DPF3: variants seen among roughly 807,000 people sequenced by gnomAD.
The protein encoded by DPF3 is double PHD fingers 3.
Under a neutral mutation model 56.8 loss-of-function variants are expected in DPF3, and 18 were observed. The observed-to-expected ratio is 0.32, with a 90% CI of 0.22 to 0.47. The LOEUF is 0.47. Ranked by LOEUF, DPF3 falls within the 20% of genes least tolerant of loss-of-function variation. The pLI, the probability that DPF3 is intolerant of heterozygous loss-of-function variation, is 1.00. For missense variants in DPF3, 403 were observed against 488.8 expected, an observed-to-expected ratio of 0.82 and a Z score of 1.65; for synonymous variants, 188 against 180.2, an observed-to-expected ratio of 1.04 and a Z score of -0.35.
chr14:72,698,101 G>A (rs1887987802), intron 6 of DPF3, among the ~76,000 whole-genome samples: 1 of 152,216 alleles, frequency 6.6e-6, no homozygotes, highest in Admixed American at 6.5e-5. Flanking sequence ...CCCCAGGGAA[G>A]TCTTTCAAAT....
At position 72,643,272 on chromosome 14, in the gene DPF3, T is replaced by G. The variant is rs577772968; in HGVS notation, c.872-13536A>C. 7.2e-4 allele frequency among the ~76,000 whole-genome samples: 110 copies of G among 152,298 alleles called. 3 individuals carry two copies. In the East Asian group the frequency reaches 0.02, roughly 27 times the overall value. ...GCATGATGAAATATGTCACTGACTC[T>G]CTCCATGCCTCAGTTTCCTCCATTT... is the stretch of plus-strand genomic sequence containing the variant. On this transcript the variant is annotated intron_variant, in intron 8 of 10. Transcript: ENST00000556509.
At chr14:72,628,339 G>GT (rs1202334957) in intron 9 of DPF3, among the ~76,000 whole-genome samples, 1 of 151,664 alleles carries the variant, frequency 6.6e-6, no homozygotes, top group Non-Finnish European at 1.5e-5. Flanking sequence ...TAACCACACT[G>GT]TTTTTTTAAA....
chr14:72,802,131 T>G (rs1892916832), intron 1 of DPF3, among the ~76,000 whole-genome samples: 1 of 151,822 alleles, frequency 6.6e-6, no homozygotes, highest in Non-Finnish European at 1.5e-5. Flanking sequence ...CAGGGACAGC[T>G]GGGTGTGCAG....
intron 8 of DPF3, among the ~76,000 whole-genome samples, chr14:72,631,243 G>T (rs367931094): frequency 6.6e-6 from 1 of 152,178 alleles, no homozygotes; most frequent in Non-Finnish European, 1.5e-5. Context: ...GGACTTCTCA[G>T]GTACCATCCA....
intron 9 of DPF3, 130 bp from the exon 10 acceptor site, chr14:72,620,114 G>C (rs1884335074): frequency 2.3e-6 from 2 of 883,570 alleles, no homozygotes; most frequent in Non-Finnish European, 3.3e-6. Flanking sequence ...GCCCCACTTG[G>C]AGTCCTCACT....
chr14:72,705,947 A>AAG (rs1555498606), intron 6 of DPF3, among the ~76,000 whole-genome samples: 3 of 151,542 alleles, frequency 2.0e-5, no homozygotes, highest in African/African-American at 7.3e-5. Flanking sequence ...GAGAAAAAAA[A>AAG]AGAGAGAGAG....
intron 3 of DPF3, among the ~76,000 whole-genome samples, chr14:72,735,715 C>T (rs1889863315): frequency 6.6e-6 from 1 of 152,166 alleles, no homozygotes; most frequent in South Asian, 2.1e-4. Context: ...GGAGTCAATC[C>T]CTAGCCTTGC....
chr14:72,648,374 C>A (rs1885786369), intron 8 of DPF3, among the ~76,000 whole-genome samples: 1 of 152,072 alleles, frequency 6.6e-6, no homozygotes, highest in Admixed American at 6.5e-5. Flanking sequence ...CCAGCTTGGC[C>A]AACATGGTGA....
chr14:72,863,921 G>A (rs978410750), intron 1 of DPF3, among the ~76,000 whole-genome samples: 6 of 152,238 alleles, frequency 3.9e-5, no homozygotes, highest in Non-Finnish European at 8.8e-5. Context: ...AGAGACCTGG[G>A]GGTCGGGGAA....
chr14:72,827,526 T>C (rs1674621646), intron 1 of DPF3, among the ~76,000 whole-genome samples: 1 of 125,394 alleles, frequency 8.0e-6, no homozygotes, highest in Admixed American at 1.0e-4. Flanking sequence ...TGAGACAGAG[T>C]CTCACTCTGC....
intron 1 of DPF3, among the ~76,000 whole-genome samples, chr14:72,863,555 T>TA (rs76280301): frequency 0.27 from 28,127 of 104,148 alleles, 3,524 homozygotes; most frequent in African/African-American, 0.37. Context: ...TGTAGGATTC[T>TA]AAAAAAAAAA....
At chr14:72,801,609 C>G (rs1892895848) in intron 1 of DPF3, among the ~76,000 whole-genome samples, 1 of 152,172 alleles carries the variant, frequency 6.6e-6, no homozygotes, top group African/African-American at 2.4e-5. Flanking sequence ...TCACAAAGTT[C>G]TGAGTGGAAG....
At chr14:72,800,388 G>A (rs76690232) in intron 1 of DPF3, among the ~76,000 whole-genome samples, 2 of 14,818 alleles carry the variant, frequency 1.3e-4, no homozygotes, top group Non-Finnish European at 3.0e-3. Flanking sequence ...ATGGATGGAT[G>A]GATGGATGGA....
At chr14:72,882,480 T>C (rs764533375) in intron 1 of DPF3, among the ~76,000 whole-genome samples, 1 of 152,172 alleles carries the variant, frequency 6.6e-6, no homozygotes, top group African/African-American at 2.4e-5. Context: ...AGAGAAATGA[T>C]TGGGGGAAAG....
chr14:72,740,785 G>A (rs972196355), intron 3 of DPF3, among the ~76,000 whole-genome samples: 17 of 152,232 alleles, frequency 1.1e-4, no homozygotes, highest in African/African-American at 4.1e-4. Context: ...TGTGCCCTGG[G>A]CCATGGGTGC....
chr14:72,724,044 A>T (rs8023089), intron 4 of DPF3: 12,767 of 216,344 alleles, frequency 0.059, 1,680 homozygotes, highest in African/African-American at 0.28. Context: ...TGTGGGGCCA[A>T]AATGTTTACT....
chr14:72,717,157 C>T (rs1362702438), intron 5 of DPF3, among the ~76,000 whole-genome samples: 1 of 152,228 alleles, frequency 6.6e-6, no homozygotes, highest in East Asian at 1.9e-4. Context: ...TGCCCATGCA[C>T]ATCTGATCCA....
intron 7 of DPF3, among the ~76,000 whole-genome samples, chr14:72,680,414 G>A (rs1887110865): frequency 6.6e-6 from 1 of 152,240 alleles, no homozygotes; most frequent in South Asian, 2.1e-4. Flanking sequence ...CATCCCAAAT[G>A]TGGAGGGGCA....
chr14:72,841,874 G>C (rs1884555608), intron 1 of DPF3, among the ~76,000 whole-genome samples: 1 of 151,994 alleles, frequency 6.6e-6, no homozygotes, highest in Non-Finnish European at 1.5e-5. Context: ...CTTGAGGCTG[G>C]GAGTTTGAGA....
Sources: gnomAD v4.1 joint callset for allele counts (sites outside exome capture counted in the v4.1 genomes callset) on GRCh38, gnomAD v4.1.1 for gene constraint, MANE v1.5 for transcripts, NCBI Gene and HGNC (gene_info 2026-07-23, HGNC 2026-07-21) for gene names.